PHF21A: variants seen among roughly 807,000 people sequenced by gnomAD.
PHF21A encodes the protein PHD finger protein 21A.
PHF21A carries 11 observed loss-of-function variants against 82.5 expected under a neutral mutation model. The observed-to-expected ratio is 0.13, with a 90% confidence interval of 0.08 to 0.22. The LOEUF is 0.22. PHF21A is among the 10% of genes least tolerant of loss of function. The pLI is 1.00. For synonymous variants in PHF21A, 297 were observed against 302.8 expected, an observed-to-expected ratio of 0.98 and a Z score of 0.20; for missense variants, 579 against 837.8, an observed-to-expected ratio of 0.69 and a Z score of 3.81.
intron 6 of PHF21A, among the ~76,000 whole-genome samples, chr11:46,001,139 C>T (rs2095112778): frequency 6.6e-6 from 1 of 151,818 alleles, no homozygotes; most frequent in African/African-American, 2.4e-5. Context: ...TTCACTGGAA[C>T]TTACTAACAT....
At chr11:46,054,388 T>C (rs1312623393) in intron 6 of PHF21A, among the ~76,000 whole-genome samples, 1 of 152,186 alleles carries the variant, frequency 6.6e-6, no homozygotes, top group African/African-American at 2.4e-5. Context: ...TATGTCAAAT[T>C]GGCTTGGGGT....
At position 45,997,384 on chromosome 11, in the gene PHF21A, A is replaced by T. The variant is rs1164445323; in HGVS notation, c.154-17418T>A. ...ACAGGACTATACTTCTTAAAATCCA[A>T]ATATAAAGGACATCATTTTACTATT... is the stretch of plus-strand genomic sequence containing the variant. On this transcript the variant is annotated intron_variant, in intron 6 of 18. Transcript: ENST00000676320. 2.0e-5 allele frequency among the ~76,000 whole-genome samples: 3 copies of T among 152,180 alleles called. No homozygotes were observed. The East Asian group carries it at 5.8e-4, about 29-fold the overall frequency.
At chr11:46,082,235 C>A (rs558859243) in intron 4 of PHF21A, among the ~76,000 whole-genome samples, 19 of 152,306 alleles carry the variant, frequency 1.2e-4, no homozygotes, top group East Asian at 5.8e-4. Flanking sequence ...CATTTTCTAT[C>A]CAGTAAGCTC....
At position 46,006,393 on chromosome 11, in the gene PHF21A, G is replaced by A. The variant is rs79225771; in HGVS notation, c.154-26427C>T. ...AATCCAGAATTAATAAGCACCTAACGAAATATTGCAACTTGTTATAGTTCT... is the reference window on the plus strand; with the variant it reads ...AATCCAGAATTAATAAGCACCTAACAAAATATTGCAACTTGTTATAGTTCT... On this transcript the variant is annotated intron_variant, in intron 6 of 18. Transcript: ENST00000676320. Among the ~76,000 whole-genome samples the A allele has an allele frequency of 7.2e-3, 1,096 of 152,272 alleles. 11 individuals carry two copies. Among genetic ancestry groups the A allele is most frequent in the African/African-American group, 0.025 (1,025 of 41,560 alleles).
chr11:46,018,551 G>A (rs922744065), intron 6 of PHF21A, among the ~76,000 whole-genome samples: 19 of 152,260 alleles, frequency 1.2e-4, no homozygotes, highest in African/African-American at 3.9e-4. Flanking sequence ...TGAAATAGCC[G>A]TCTGTGCATA....
intron 6 of PHF21A, among the ~76,000 whole-genome samples, chr11:46,051,204 GGTTTCTTATACTAGATCTAATC>G: frequency 6.6e-6 from 1 of 152,150 alleles, no homozygotes; most frequent in Admixed American, 6.6e-5. Flanking sequence ...TAAAGTATGT[GGTTTCTTATACTAGATCTAATC>G]ATTGCTGCTT....
chr11:46,004,234 T>C (rs2095234333), intron 6 of PHF21A, among the ~76,000 whole-genome samples: 2 of 152,192 alleles, frequency 1.3e-5, no homozygotes, highest in Admixed American at 1.3e-4. Context: ...TCATCCAATG[T>C]TCATCTTCAT....
At chr11:46,040,007 T>C (rs2096094322) in intron 6 of PHF21A, among the ~76,000 whole-genome samples, 1 of 152,200 alleles carries the variant, frequency 6.6e-6, no homozygotes, top group South Asian at 2.1e-4. Flanking sequence ...AGATTAGGCC[T>C]TTTATAAGCC....
chr11:46,049,499 T>C (rs892592315), intron 6 of PHF21A: 1 of 456,082 alleles, frequency 2.2e-6, no homozygotes, highest in Non-Finnish European at 4.4e-6. Context: ...AGATGGCTTC[T>C]AAAAGGGGAA....
chr11:45,983,115 C>T (rs923431264), intron 6 of PHF21A, among the ~76,000 whole-genome samples: 5 of 151,832 alleles, frequency 3.3e-5, no homozygotes, highest in African/African-American at 4.8e-5. Context: ...ACTCTTCAGC[C>T]ATATGGCTAG....
chr11:46,010,897 T>C (rs1168459707), intron 6 of PHF21A, among the ~76,000 whole-genome samples: 1 of 152,168 alleles, frequency 6.6e-6, no homozygotes, highest in Non-Finnish European at 1.5e-5. Flanking sequence ...GTGAACAGCA[T>C]CATACCAGCT....
chr11:46,072,868 C>T (rs1007846695), intron 6 of PHF21A, among the ~76,000 whole-genome samples: 2 of 152,054 alleles, frequency 1.3e-5, no homozygotes, highest in African/African-American at 4.8e-5. Context: ...CAACAAACTT[C>T]GGAATGTTAA....
intron 6 of PHF21A, among the ~76,000 whole-genome samples, chr11:46,070,083 T>C (rs1159196623): frequency 1.3e-5 from 2 of 152,172 alleles, no homozygotes; most frequent in Non-Finnish European, 1.5e-5. Flanking sequence ...AACTTCTGGT[T>C]CCCCCATCCC....
intron 6 of PHF21A, among the ~76,000 whole-genome samples, chr11:46,053,254 T>C (rs995754903): frequency 6.6e-6 from 1 of 152,186 alleles, no homozygotes; most frequent in Admixed American, 6.6e-5. Flanking sequence ...TGTAACTGAT[T>C]TACAAAATAT....
intron 6 of PHF21A, among the ~76,000 whole-genome samples, chr11:46,009,707 T>C (rs191703474): frequency 6.6e-6 from 1 of 152,240 alleles, no homozygotes; most frequent in African/African-American, 2.4e-5. Context: ...ACTTCCAACT[T>C]GGGCAGTTTG....
At chr11:46,041,933 AATTTTACACTATGAG>A (rs1437523183) in intron 6 of PHF21A, among the ~76,000 whole-genome samples, 1 of 152,024 alleles carries the variant, frequency 6.6e-6, no homozygotes, top group African/African-American at 2.4e-5. Flanking sequence ...AATTCCTCAA[AATTTTACACTATGAG>A]ATCCTGGGGA....
Position 46,118,886 on chromosome 11 carries a change from T to C in PHF21A, c.-237+2049A>G, listed in dbSNP as rs147483002. 326 of 152,324 alleles carry C rather than the reference T, an allele frequency of 2.1e-3. 1 individual carries two copies. The highest frequency in any genetic ancestry group is 7.4e-3 in the African/African-American group (306 of 41,566). The allele number at this position is 152,324 out of a possible 1,614,324, so 9.4% of individuals were successfully genotyped here. On this transcript the variant is annotated intron_variant, in intron 1 of 18. Coordinates refer to ENST00000676320, the MANE Select transcript of PHF21A (RefSeq NM_001352027.3). Reference sequence around the variant, plus strand: ...CAAAAGCAAAGCTGACCTATTTATTTCTATTGCTTAGAGTGAACACCAGAT... The same window carrying C: ...CAAAAGCAAAGCTGACCTATTTATTCCTATTGCTTAGAGTGAACACCAGAT...
intron 18 of PHF21A, 151 bp downstream of exon 18, chr11:45,935,485 T>G: frequency 3.0e-6 from 2 of 657,028 alleles, no homozygotes; most frequent in South Asian, 1.8e-5. Context: ...GAACTCTAAC[T>G]GGATGGCAAA....
chr11:46,000,455 A>G (rs1052969931), intron 6 of PHF21A, among the ~76,000 whole-genome samples: 4 of 152,176 alleles, frequency 2.6e-5, no homozygotes, highest in Admixed American at 6.5e-5. Context: ...CAAGTACACA[A>G]TTACCAGAAA....
Sources: gnomAD v4.1 joint callset for allele counts (sites outside exome capture counted in the v4.1 genomes callset) on GRCh38, gnomAD v4.1.1 for gene constraint, MANE v1.5 for transcripts, NCBI Gene and HGNC (gene_info 2026-07-23, HGNC 2026-07-21) for gene names.